LARP4: variants seen among roughly 807,000 people sequenced by gnomAD.
LARP4 encodes la-related protein 4.
LARP4 carries 29 observed loss-of-function variants against 92.9 expected under a neutral mutation model. The ratio of observed to expected loss-of-function variants is 0.31; its 90% confidence interval spans 0.23 to 0.43. The LOEUF is 0.43. LARP4 is among the 20% of genes least tolerant of loss of function. The probability of loss-of-function intolerance (pLI) is 1.00; values close to 1 mark genes in which losing one functional copy is unlikely to be tolerated. For synonymous variants in LARP4, 279 were observed against 284.1 expected (o/e 0.98, Z 0.18); for missense variants, 732 against 860.0 (o/e 0.85, Z 1.86).
At chr12:50,473,750 C>T (rs1303579482) in intron 14 of LARP4, among the ~76,000 whole-genome samples, 25 of 140,386 alleles carry the variant, frequency 1.8e-4, no homozygotes, top group African/African-American at 6.4e-4. Context: ...CCTGTAATCC[C>T]AGCTAATCAG....
chr12:50,437,372 A>G (rs958840395), intron 5 of LARP4, among the ~76,000 whole-genome samples: 2 of 152,180 alleles, frequency 1.3e-5, no homozygotes, highest in Admixed American at 1.3e-4. Context: ...GGCCAATGAA[A>G]GTACACTAAT....
intron 12 of LARP4, among the ~76,000 whole-genome samples, chr12:50,466,609 G>A (rs1011208394): frequency 7.9e-5 from 12 of 151,524 alleles, no homozygotes; most frequent in Non-Finnish European, 7.4e-5. Context: ...CTAAGACCCT[G>A]TCTCAAAAAA....
chr12:50,456,765 A>G (rs1423359865), intron 10 of LARP4, among the ~76,000 whole-genome samples: 1 of 152,094 alleles, frequency 6.6e-6, no homozygotes, highest in Non-Finnish European at 1.5e-5. Context: ...GTGAAGGGTA[A>G]GATTATGAGA....
At chr12:50,446,656 T>C (rs537732759) in intron 8 of LARP4, among the ~76,000 whole-genome samples, 2 of 150,830 alleles carry the variant, frequency 1.3e-5, no homozygotes, top group East Asian at 4.0e-4. Flanking sequence ...CTCGAATTCC[T>C]GACCTTGTGA....
Position 50,412,941 on chromosome 12 carries a change from T to C in LARP4, c.18+11913T>C, listed in dbSNP as rs118123351. On this transcript the variant is annotated intron_variant, in intron 1 of 15. Coordinates refer to ENST00000398473, the MANE Select transcript of LARP4 (RefSeq NM_052879.5). ...TGAGAAGATGAATAAAACTTGGCTA[T>C]TGGCTGGGCGTGGTAGCTCACACCT... Among the ~76,000 whole-genome samples, 279 of 152,194 alleles carry C rather than the reference T, an allele frequency of 1.8e-3. 1 individual carries two copies. Among genetic ancestry groups the C allele is most frequent in the Non-Finnish European group, 3.4e-3 (231 of 67,980 alleles).
At chr12:50,406,795 C>A (rs1030696399) in intron 1 of LARP4, among the ~76,000 whole-genome samples, 1 of 151,948 alleles carries the variant, frequency 6.6e-6, no homozygotes, top group South Asian at 2.1e-4. Flanking sequence ...CGGCTCACTG[C>A]AATGTCTGCC....
chr12:50,400,895 A>G lies in LARP4; in HGVS notation c.-116A>G, dbSNP rs770566521. 7.0e-7 allele frequency: 1 copy of G among 1,425,790 alleles called. No homozygotes were observed. Among genetic ancestry groups the G allele is most frequent in the Non-Finnish European group, 9.9e-7 (1 of 1,008,430 alleles). The allele number at this position is 1,425,790 out of a possible 1,614,324, so 88.3% of individuals were successfully genotyped here. On this transcript the variant is annotated 5_prime_UTR_variant, in exon 1 of 16. Coordinates refer to ENST00000398473, the MANE Select transcript of LARP4 (RefSeq NM_052879.5). Reference sequence around the variant, plus strand: ...TGACGGCAGGGGAGGAGCCGGGTCCACTGCCGGGTGGAGGGGCAAGGCGAG... The same window carrying G: ...TGACGGCAGGGGAGGAGCCGGGTCCGCTGCCGGGTGGAGGGGCAAGGCGAG...
chr12:50,479,109 A>G lies in LARP4; in HGVS notation c.*3245A>G, dbSNP rs1957719932. On this transcript the variant is annotated 3_prime_UTR_variant, in exon 16 of 16. Transcript: ENST00000398473. ...AAAAAGAATGTTGCTGGAACGTAAA[A>G]TAGTATTTAAAAGTTAATGAACACT... 1 of 152,600 alleles carries G rather than the reference A, an allele frequency of 6.6e-6. No homozygotes were observed. The highest frequency in any genetic ancestry group is 1.5e-5 in the Non-Finnish European group (1 of 68,016). 9.5% of individuals were successfully genotyped at this position (152,600 alleles called of 1,614,324 possible).
chr12:50,459,189 G>A (rs1481114992), intron 10 of LARP4, among the ~76,000 whole-genome samples: 1 of 151,952 alleles, frequency 6.6e-6, no homozygotes, highest in East Asian at 1.9e-4. Flanking sequence ...AGTAGAGATG[G>A]GGATTCACCA....
In LARP4 at chr12:50,478,607, G is replaced by T. The variant is rs999581106; in HGVS notation, c.*2743G>T. 1.3e-5 allele frequency: 2 copies of T among 152,078 alleles called. No individual in the cohort carries two copies. The highest frequency in any genetic ancestry group is 3.8e-4 in the East Asian group (2 of 5,202). The allele number at this position is 152,078 out of a possible 1,614,324, so 9.4% of individuals were successfully genotyped here. ...TTGGAGGCTAAAAGTAGGTATAAATGATATTGAATGTTGGGTATAGTGATA... is the reference window on the plus strand; with the variant it reads ...TTGGAGGCTAAAAGTAGGTATAAATTATATTGAATGTTGGGTATAGTGATA... On this transcript the variant is annotated 3_prime_UTR_variant, in exon 16 of 16. Coordinates refer to ENST00000398473, the MANE Select transcript of LARP4 (RefSeq NM_052879.5).
intron 10 of LARP4, 144 bp downstream of exon 10, chr12:50,454,561 A>G: frequency 3.9e-6 from 2 of 512,672 alleles, no homozygotes; most frequent in African/African-American, 1.9e-5. Context: ...GTATATGAAC[A>G]GTTTAATCTA....
intron 12 of LARP4, among the ~76,000 whole-genome samples, chr12:50,466,411 T>C (rs1956154678): frequency 6.6e-6 from 1 of 152,056 alleles, no homozygotes; most frequent in African/African-American, 2.4e-5. Flanking sequence ...CTCAAGAGTT[T>C]GAGACCAGCC....
intron 1 of LARP4, among the ~76,000 whole-genome samples, chr12:50,401,500 A>G (rs1236073101): frequency 6.6e-6 from 1 of 152,174 alleles, no homozygotes; most frequent in Non-Finnish European, 1.5e-5. Context: ...TGAAAAGAAA[A>G]TTGAAAAGTT....
intron 1 of LARP4, among the ~76,000 whole-genome samples, chr12:50,423,265 A>G (rs751148682): frequency 2.2e-4 from 34 of 152,070 alleles, no homozygotes; most frequent in Non-Finnish European, 4.1e-4. Flanking sequence ...ATAGCATTCT[A>G]TAGTCATCTT....
At chr12:50,407,611 G>A (rs906526461) in intron 1 of LARP4, among the ~76,000 whole-genome samples, 4 of 152,042 alleles carry the variant, frequency 2.6e-5, no homozygotes, top group African/African-American at 7.2e-5. Flanking sequence ...TTGGGAGGCC[G>A]AGGCAAGTGG....
rs543361763 is a variant in LARP4 at position 50,433,104 on chromosome 12, A to G, written c.399-2384A>G. Among the ~76,000 whole-genome samples, 81 of 152,008 alleles carry G rather than the reference A, an allele frequency of 5.3e-4. 1 individual carries two copies. The highest frequency in any genetic ancestry group is 1.8e-3 in the African/African-American group (76 of 41,466). ...TAGTTCTTTGCCCATTACACTTACC[A>G]CATACTTATACACAACTGCCTGGAG... On this transcript the variant is annotated intron_variant, in intron 4 of 15. Coordinates refer to ENST00000398473, the MANE Select transcript of LARP4 (RefSeq NM_052879.5).
intron 8 of LARP4, among the ~76,000 whole-genome samples, chr12:50,450,682 A>G (rs1474384769): frequency 2.0e-5 from 3 of 152,044 alleles, no homozygotes; most frequent in African/African-American, 7.2e-5. Context: ...GTATTTTTTT[A>G]GTAGAGATGG....
intron 15 of LARP4, among the ~76,000 whole-genome samples, chr12:50,474,537 C>T (rs1476115663): frequency 2.6e-5 from 4 of 152,038 alleles, no homozygotes; most frequent in South Asian, 2.1e-4. Flanking sequence ...TTAGTAGAGA[C>T]GGGGTTTCAC....
intron 1 of LARP4, among the ~76,000 whole-genome samples, chr12:50,410,211 A>G (rs1945612447): frequency 6.6e-6 from 1 of 152,106 alleles, no homozygotes. Flanking sequence ...GTAATGGCTT[A>G]GTATTTTGAG....
Sources: gnomAD v4.1 joint callset for allele counts (sites outside exome capture counted in the v4.1 genomes callset) on GRCh38, gnomAD v4.1.1 for gene constraint, MANE v1.5 for transcripts, NCBI Gene and HGNC (gene_info 2026-07-23, HGNC 2026-07-21) for gene names.